RAD51B: variants seen among roughly 807,000 people sequenced by gnomAD.
The protein encoded by RAD51B is DNA repair protein RAD51 homolog 2.
A neutral mutation model predicts 42.2 loss-of-function variants in RAD51B; 38 were observed. That is an observed-to-expected ratio of 0.90 (90% CI 0.70 to 1.18). The LOEUF is 1.18. RAD51B is among the 50% of genes most tolerant of loss of function. RAD51B has a pLI of 0.00. For missense variants in RAD51B, 373 were observed against 400.7 expected (o/e 0.93, Z 0.59); for synonymous variants, 154 against 145.2 (o/e 1.06, Z -0.43).
At chr14:68,594,418 C>A (rs1566948814) in intron 10 of RAD51B, 6 of 1,330,820 alleles carry the variant, frequency 4.5e-6, no homozygotes, top group Middle Eastern at 2.1e-4. Context: ...CTTCAGGAAG[C>A]CTCAGGGCCT....
At chr14:67,929,220 T>A (rs528338588) in intron 7 of RAD51B, among the ~76,000 whole-genome samples, 43 of 152,166 alleles carry the variant, frequency 2.8e-4, no homozygotes, top group Admixed American at 3.9e-4. Flanking sequence ...CTGATTTAGG[T>A]GTTTATTGCT....
chr14:68,055,163 A>T (rs2076454340), intron 7 of RAD51B, among the ~76,000 whole-genome samples: 1 of 152,222 alleles, frequency 6.6e-6, no homozygotes, highest in Admixed American at 6.5e-5. Context: ...TTTGGGCTTT[A>T]GTTTTCACAT....
At chr14:68,450,206 CTTTTTTTTTTTTT>C (rs67536658) in intron 9 of RAD51B, among the ~76,000 whole-genome samples, 2 of 47,906 alleles carry the variant, frequency 4.2e-5, no homozygotes, top group Non-Finnish European at 6.8e-5. Flanking sequence ...GAGCTTAGGG[CTTTTTTTTTTTTT>C]TTTTTTTTTT....
chr14:68,042,025 A>G (rs2076226194), intron 7 of RAD51B, among the ~76,000 whole-genome samples: 1 of 152,162 alleles, frequency 6.6e-6, no homozygotes. Context: ...AATGTCTACA[A>G]CTGATGAATG....
intron 8 of RAD51B, among the ~76,000 whole-genome samples, chr14:68,410,286 C>T (rs1362026546): frequency 6.6e-6 from 1 of 152,114 alleles, no homozygotes; most frequent in Non-Finnish European, 1.5e-5. Flanking sequence ...AGTAGACCAC[C>T]CTGAAAGGTG....
intron 7 of RAD51B, among the ~76,000 whole-genome samples, chr14:67,995,710 T>C (rs886839432): frequency 1.3e-5 from 2 of 151,614 alleles, no homozygotes; most frequent in African/African-American, 4.8e-5. Context: ...CTCCGCCTCC[T>C]GGGTTCATGC....
chr14:68,537,719 G>A (rs930655017), intron 10 of RAD51B, among the ~76,000 whole-genome samples: 4 of 152,162 alleles, frequency 2.6e-5, no homozygotes, highest in African/African-American at 7.2e-5. Context: ...GATATTTTGA[G>A]TGAGACCTTC....
intron 10 of RAD51B, chr14:68,497,377 G>GC: frequency 8.3e-7 from 1 of 1,198,480 alleles, no homozygotes; most frequent in Non-Finnish European, 1.0e-6. Flanking sequence ...TGATACCATG[G>GC]CACTGACAAT....
At chr14:68,651,793 T>C (rs1425878043) in intron 11 of RAD51B, among the ~76,000 whole-genome samples, 1 of 152,208 alleles carries the variant, frequency 6.6e-6, no homozygotes, top group African/African-American at 2.4e-5. Flanking sequence ...CGGCAATGTA[T>C]ACAAATTCCT....
intron 10 of RAD51B, among the ~76,000 whole-genome samples, chr14:68,645,457 G>C (rs959919211): frequency 6.6e-6 from 1 of 152,186 alleles, no homozygotes; most frequent in African/African-American, 2.4e-5. Flanking sequence ...TGCTATGAAC[G>C]TGGGTTTACA....
intron 7 of RAD51B, among the ~76,000 whole-genome samples, chr14:68,141,394 G>A (rs1280379028): frequency 6.6e-6 from 1 of 152,162 alleles, no homozygotes; most frequent in African/African-American, 2.4e-5. Context: ...AAGACTAAAA[G>A]TTTTGAGAAT....
intron 7 of RAD51B, among the ~76,000 whole-genome samples, chr14:68,272,772 GC>G (rs1325630606): frequency 1.5e-5 from 2 of 134,834 alleles, no homozygotes; most frequent in Admixed American, 7.7e-5. Context: ...TGCAGGCTCT[GC>G]CCCCGGGTTC....
intron 7 of RAD51B, among the ~76,000 whole-genome samples, chr14:68,257,404 TTAAAA>T (rs1170762913): frequency 7.2e-5 from 11 of 152,048 alleles, no homozygotes; most frequent in African/African-American, 2.4e-4. Context: ...AAATTAAAAA[TTAAAA>T]TAAAATTAAT....
chr14:68,251,194 A>C (rs1374501691), intron 7 of RAD51B, among the ~76,000 whole-genome samples: 1 of 148,474 alleles, frequency 6.7e-6, no homozygotes, highest in African/African-American at 2.5e-5. Context: ...CCTTTCAAGG[A>C]GGAATTAAAA....
chr14:67,923,731 G>A (rs2044410469), intron 7 of RAD51B, among the ~76,000 whole-genome samples: 1 of 152,142 alleles, frequency 6.6e-6, no homozygotes, highest in Non-Finnish European at 1.5e-5. Flanking sequence ...CTTTTCCTCT[G>A]GTTAGATACC....
At chr14:68,220,750 T>C (rs1467495229) in intron 7 of RAD51B, among the ~76,000 whole-genome samples, 1 of 152,140 alleles carries the variant, frequency 6.6e-6, no homozygotes, top group Non-Finnish European at 1.5e-5. Context: ...GATAAATGAA[T>C]TCAGCAAAGT....
At chr14:67,872,168 T>G (rs1242874322) in intron 5 of RAD51B, among the ~76,000 whole-genome samples, 1 of 150,154 alleles carries the variant, frequency 6.7e-6, no homozygotes, top group African/African-American at 2.5e-5. Context: ...GCAGACGACA[T>G]GATTGTATAT....
chr14:68,497,437 G>T (rs567023811), intron 10 of RAD51B: 1 of 1,088,800 alleles, frequency 9.2e-7, no homozygotes, highest in East Asian at 4.9e-5. Flanking sequence ...CAGGGAACAG[G>T]AAATGGGAAT....
intron 7 of RAD51B, chr14:68,125,155 A>G (rs933971834): frequency 9.9e-5 from 15 of 152,210 alleles, no homozygotes; most frequent in African/African-American, 3.6e-4. Flanking sequence ...TGGTTTAAAA[A>G]TTGCATAGGG....
Sources: allele counts gnomAD v4.1 joint callset (sites outside exome capture counted in the v4.1 genomes callset), GRCh38; gene constraint gnomAD v4.1.1; transcripts MANE v1.5; gene names NCBI Gene and HGNC (gene_info 2026-07-23, HGNC 2026-07-21).